Variants in MACROD1 observed in about 807,000 individuals in gnomAD.
The protein encoded by MACROD1 is ADP-ribose glycohydrolase MACROD1.
In MACROD1, 31 loss-of-function variants were observed where a neutral mutation model predicts 41.4. That is an observed-to-expected ratio of 0.75 (90% confidence interval 0.56 to 1.01). The LOEUF (loss-of-function observed/expected upper bound fraction) is 1.01, where lower values mean the gene tolerates loss of function less well. Ranked by LOEUF, MACROD1 falls within the 50% of genes least tolerant of loss-of-function variation. MACROD1 has a pLI of 0.00. For missense variants in MACROD1, 473 were observed against 460.0 expected, an observed-to-expected ratio of 1.03 and a Z score of -0.26; for synonymous variants, 252 against 203.4, an observed-to-expected ratio of 1.24 and a Z score of -2.03.
chr11:64,002,585 C>T (rs1942844055), intron 4 of MACROD1, among the ~76,000 whole-genome samples: 1 of 152,148 alleles, frequency 6.6e-6, no homozygotes, highest in Admixed American at 6.5e-5. Context: ...TAGAGTGCAG[C>T]CTGGCCCCTC....
Position 63,999,638 on chromosome 11 carries a change from T to A in MACROD1, c.786+4A>T. The A allele has an allele frequency of 6.2e-7, 1 of 1,609,480 alleles. No homozygotes were observed. Among genetic ancestry groups the A allele is most frequent in the South Asian group, 1.1e-5 (1 of 90,516 alleles). On this transcript the variant is annotated splice_donor_region_variant and intron_variant, in intron 6 of 10. Coordinates refer to ENST00000255681, the MANE Select transcript of MACROD1 (RefSeq NM_014067.4). The stretch of plus-strand genomic sequence containing the variant: ...CCCGCCCTCCCCCGCGGGCCGTCCC[T>A]CACCACCGAGCGGAGCCGGTGCTCC...
chr11:64,010,049 G>T (rs944239832), intron 4 of MACROD1, among the ~76,000 whole-genome samples: 1 of 148,408 alleles, frequency 6.7e-6, no homozygotes, highest in African/African-American at 2.5e-5. Flanking sequence ...TGGTTGGGGT[G>T]TTGGCTGGGG....
chr11:64,085,629 C>G (rs751680354), intron 3 of MACROD1, among the ~76,000 whole-genome samples: 38 of 152,216 alleles, frequency 2.5e-4, no homozygotes, highest in Non-Finnish European at 4.7e-4. Context: ...GTTCCTCTGC[C>G]CCACATGGCT....
chr11:64,091,080 T>G (rs1345170418), intron 3 of MACROD1, among the ~76,000 whole-genome samples: 2 of 87,956 alleles, frequency 2.3e-5, no homozygotes, highest in African/African-American at 4.4e-5. Context: ...AGGAGGGACA[T>G]GGGAGGAGGA....
chr11:64,126,922 G>A (rs1443730045), intron 3 of MACROD1: 1 of 152,238 alleles, frequency 6.6e-6, no homozygotes, highest in East Asian at 1.9e-4. Flanking sequence ...TCAGGGGCCT[G>A]AGTGACGGGC....
chr11:64,110,044 T>C (rs1249987729), intron 3 of MACROD1, among the ~76,000 whole-genome samples: 2 of 152,118 alleles, frequency 1.3e-5, no homozygotes, highest in Non-Finnish European at 2.9e-5. Context: ...ACTCTGCACA[T>C]ATAATGTCAG....
chr11:64,041,950 G>T (rs1450696730), intron 3 of MACROD1, among the ~76,000 whole-genome samples: 1 of 152,218 alleles, frequency 6.6e-6, no homozygotes, highest in Non-Finnish European at 1.5e-5. Flanking sequence ...CCTAGCCTGG[G>T]CTGGGCTGCC....
At chr11:64,061,051 G>T (rs913305600) in intron 3 of MACROD1, among the ~76,000 whole-genome samples, 2 of 152,250 alleles carry the variant, frequency 1.3e-5, no homozygotes, top group Non-Finnish European at 2.9e-5. Flanking sequence ...TGTCTTGATG[G>T]AAAGGGCTTG....
Position 64,120,224 on chromosome 11 carries a change from G to T in MACROD1, c.517+31015C>A, listed in dbSNP as rs886607933. Among the ~76,000 whole-genome samples, 2 of 152,174 alleles carry T rather than the reference G, an allele frequency of 1.3e-5. No homozygotes were observed. Among genetic ancestry groups the T allele is most frequent in the Non-Finnish European group, 2.9e-5 (2 of 68,028 alleles). On this transcript the variant is annotated intron_variant, in intron 3 of 10. Transcript: ENST00000255681. The surrounding 1 kb of genome is among the most constrained non-coding windows in gnomAD (Gnocchi z 4.5). ...ACAGGCTCCCAGCACGGCCTGGGGG[G>T]GCTAGCCCACGAAATAGGTCCACTC...
chr11:63,998,911 G>C (rs1381832326), intron 9 of MACROD1, 39 bp from the exon 10 acceptor site: 1 of 1,593,064 alleles, frequency 6.3e-7, no homozygotes, highest in South Asian at 1.1e-5. Context: ...CCCCCAGGGT[G>C]GACCGGGGCA....
At chr11:64,055,935 G>A (rs937374325) in intron 3 of MACROD1, among the ~76,000 whole-genome samples, 2 of 152,184 alleles carry the variant, frequency 1.3e-5, no homozygotes, top group South Asian at 4.1e-4. Context: ...CATGCTGCCT[G>A]CAGCCGACAG....
At chr11:64,050,781 G>A (rs950569294) in intron 3 of MACROD1, among the ~76,000 whole-genome samples, 2 of 152,210 alleles carry the variant, frequency 1.3e-5, no homozygotes, top group Admixed American at 6.5e-5. Context: ...ATAATACCCC[G>A]CTAATTTTTG....
At chr11:64,010,474 TTGGGGTGTTGGC>T (rs1209725323) in intron 4 of MACROD1, among the ~76,000 whole-genome samples, 13 of 147,866 alleles carry the variant, frequency 8.8e-5, no homozygotes, top group Non-Finnish European at 1.8e-4. Context: ...GGCATGTTGG[TTGGGGTGTTGGC>T]TGGGGTGTTG....
intron 3 of MACROD1, among the ~76,000 whole-genome samples, chr11:64,017,831 C>T (rs1404778630): frequency 6.6e-6 from 1 of 152,190 alleles, no homozygotes; most frequent in Non-Finnish European, 1.5e-5. Flanking sequence ...CACAAATGAG[C>T]TGGCTCCTGC....
chr11:64,151,879 A>G (rs896573043), intron 2 of MACROD1, among the ~76,000 whole-genome samples: 1 of 152,232 alleles, frequency 6.6e-6, no homozygotes, highest in Non-Finnish European at 1.5e-5. Context: ...CTGTAATCCC[A>G]GCACTTTGGG....
chr11:64,028,542 G>C (rs1471869420), intron 3 of MACROD1, among the ~76,000 whole-genome samples: 1 of 152,064 alleles, frequency 6.6e-6, no homozygotes, highest in Non-Finnish European at 1.5e-5. Context: ...TGCGAGGCCC[G>C]GCCTCAGCCC....
intron 3 of MACROD1, among the ~76,000 whole-genome samples, chr11:64,098,210 CT>C (rs1469315111): frequency 2.6e-5 from 4 of 152,212 alleles, no homozygotes; most frequent in Admixed American, 6.5e-5. Context: ...AGCCTCCCCC[CT>C]GCCCTTGTAC....
intron 1 of MACROD1, among the ~76,000 whole-genome samples, chr11:64,165,481 C>T (rs1337319740): frequency 6.6e-6 from 1 of 152,150 alleles, no homozygotes; most frequent in African/African-American, 2.4e-5. Context: ...GACACTTGGA[C>T]CTGGTCTGGA....
intron 3 of MACROD1, among the ~76,000 whole-genome samples, chr11:64,023,122 A>G (rs1398448815): frequency 6.6e-6 from 1 of 152,054 alleles, no homozygotes; most frequent in Non-Finnish European, 1.5e-5. Context: ...TTAGCCTCCC[A>G]AAGTGCTGGG....
Sources: gnomAD v4.1 joint callset for allele counts (sites outside exome capture counted in the v4.1 genomes callset) on GRCh38, gnomAD v4.1.1 for gene constraint, Gnocchi (gnomAD v3.1) non-coding constraint, MANE v1.5 for transcripts, NCBI Gene and HGNC (gene_info 2026-07-23, HGNC 2026-07-21) for gene names.